The following GSE1 variants were observed in gnomAD, a reference collection of about 807,000 sequenced individuals.
GSE1 encodes genetic suppressor element 1.
GSE1 carries 32 observed loss-of-function variants against 112.6 expected under a neutral mutation model. The ratio of observed to expected loss-of-function variants is 0.28; its 90% CI spans 0.21 to 0.38. GSE1 has a LOEUF of 0.38. Ranked by LOEUF, GSE1 falls within the 10% of genes least tolerant of loss-of-function variation. The pLI, the probability that GSE1 is intolerant of heterozygous loss-of-function variation, is 1.00. For missense variants in GSE1, 2,348 were observed against 1,699.2 expected (o/e 1.38, Z -6.71); for synonymous variants, 1,115 against 735.6 (o/e 1.52, Z -8.35).
At chr16:85,239,832 G>A (rs1241992051) in intron 1 of GSE1, among the ~76,000 whole-genome samples, 1 of 152,224 alleles carries the variant, frequency 6.6e-6, no homozygotes. Context: ...CCTGAAATCC[G>A]ATACTGAAAT....
rs183656679 is a variant in GSE1 at position 85,547,866 on chromosome 16, G to A, written c.2465-86048G>A. 1.3e-3 allele frequency among the ~76,000 whole-genome samples: 174 copies of A among 135,112 alleles called. 2 individuals carry two copies. The East Asian group carries it at 0.029, about 23-fold the overall frequency. The allele number at this position is 135,112 out of a possible 152,430, so 88.6% of individuals were successfully genotyped here. A position where few individuals can be genotyped will look rare whatever the true frequency, so the allele number is the denominator to read the frequency against. On this transcript the variant is annotated intron_variant, in intron 2 of 2. Transcript: ENST00000637419. ...TGCACTCCAGCCTGGGTGACAGAAT[G>A]AGTCTCTGTCTCAAAAAAAAAAAAA...
At chr16:85,626,447 C>T (rs1184100751) in intron 1 of GSE1, among the ~76,000 whole-genome samples, 3 of 151,796 alleles carry the variant, frequency 2.0e-5, no homozygotes, top group African/African-American at 4.8e-5. Context: ...GGGCACCAGT[C>T]CCCGAGCTGG....
intron 2 of GSE1, among the ~76,000 whole-genome samples, chr16:85,362,181 A>G (rs1010802987): frequency 6.6e-6 from 1 of 152,216 alleles, no homozygotes; most frequent in African/African-American, 2.4e-5. Context: ...TGCCGGGAGA[A>G]GGGTGCAACC....
intron 1 of GSE1, among the ~76,000 whole-genome samples, chr16:85,335,501 T>G (rs1567696108): frequency 6.6e-6 from 1 of 151,922 alleles, no homozygotes; most frequent in Admixed American, 6.5e-5. Flanking sequence ...GCGGAGGCCG[T>G]GCTGGGTGGG....
chr16:85,558,185 C>T (rs1197068682), intron 1 of GSE1, among the ~76,000 whole-genome samples: 2 of 152,214 alleles, frequency 1.3e-5, no homozygotes, highest in African/African-American at 2.4e-5. Context: ...CTGAGTCGCG[C>T]TGACATTCAT....
chr16:85,474,374 C>T (rs1431421514), intron 2 of GSE1, among the ~76,000 whole-genome samples: 1 of 152,152 alleles, frequency 6.6e-6, no homozygotes, highest in Non-Finnish European at 1.5e-5. Flanking sequence ...TTGGCAGCTG[C>T]TGTTGCTGGG....
chr16:85,212,811 T>C lies in GSE1; in HGVS notation c.2283+41004T>C, dbSNP rs77476380. 7.1e-3 allele frequency among the ~76,000 whole-genome samples: 1,077 copies of C among 152,176 alleles called. 17 individuals are homozygous for C. The highest frequency in any genetic ancestry group is 0.025 in the African/African-American group (1,042 of 41,502). Reference sequence around the variant, plus strand: ...AGAGGGGGCGTCTGTGTTTTCTTAATGATACCTTATTGCTGAATGTCTAGA... The same window carrying C: ...AGAGGGGGCGTCTGTGTTTTCTTAACGATACCTTATTGCTGAATGTCTAGA... On this transcript the variant is annotated intron_variant, in intron 1 of 2. Coordinates refer to the GSE1 transcript ENST00000637419.
At chr16:85,482,573 G>A (rs989406301) in intron 2 of GSE1, among the ~76,000 whole-genome samples, 11 of 152,218 alleles carry the variant, frequency 7.2e-5, no homozygotes, top group African/African-American at 2.4e-4. Context: ...CGTGAGTGAC[G>A]TGGATGGGAC....
At chr16:85,445,445 G>A (rs981316068) in intron 2 of GSE1, among the ~76,000 whole-genome samples, 1 of 152,200 alleles carries the variant, frequency 6.6e-6, no homozygotes, top group Non-Finnish European at 1.5e-5. Flanking sequence ...AGCGAGGGGG[G>A]GCGGCCAGTC....
intron 2 of GSE1, among the ~76,000 whole-genome samples, chr16:85,391,814 A>G (rs1171613228): frequency 1.3e-5 from 2 of 152,092 alleles, no homozygotes; most frequent in African/African-American, 4.8e-5. Flanking sequence ...TCCCCCACCA[A>G]TCTCCGAGCT....
Position 85,657,547 on chromosome 16 carries a change from A to G in GSE1, c.1583A>G (p.Asp528Gly). The G allele has an allele frequency of 6.3e-7, 1 of 1,593,584 alleles. No homozygotes were observed. Among genetic ancestry groups the G allele is most frequent in the Non-Finnish European group, 8.6e-7 (1 of 1,169,268 alleles). Residue 528 changes from aspartate to glycine, a missense_variant, in exon 8 of 16, where the codon GAT (aspartate) becomes GGT (glycine). By Grantham distance (94) the Asp-to-Gly change is moderately conservative (BLOSUM62 -1). Transcript: ENST00000253458. Reference protein sequence around the residue: ...FRQQVLEQHLDMGRPPVPAEA... With the variant: ...FRQQVLEQHLGMGRPPVPAEA... ...CAGCAGGTGCTGGAGCAGCACCTGG[A>G]TATGGGCCGGCCCCCGGTGCCGGCG...
At chr16:85,336,810 A>G (rs2326526) in intron 1 of GSE1, among the ~76,000 whole-genome samples, 28,030 of 152,192 alleles carry the variant, frequency 0.18, 2,990 homozygotes, top group East Asian at 0.36. Context: ...GCTCACACAC[A>G]AGGCACTCAT....
chr16:85,525,139 TGGGCCAGGGGGTAACTGGCCCCTGGCC>T (rs778487057), intron 2 of GSE1, among the ~76,000 whole-genome samples: 52 of 152,152 alleles, frequency 3.4e-4, no homozygotes, highest in South Asian at 1.9e-3. Context: ...CTGAGGGCAG[TGGGCCAGGGGGTAACTGGCCCCTGGCC>T]GGCCCAGTGG....
At chr16:85,169,515 C>A, upstream of GSE1, 1 of 810,628 alleles carries the variant, frequency 1.2e-6, no homozygotes. Flanking sequence ...GCGGGCGGCG[C>A]GGCGCGGCCA....
Position 85,666,134 on chromosome 16 carries a change from A to G in GSE1, c.2917A>G (p.Lys973Glu), listed in dbSNP as rs1371705270. The change falls in exon 13 of 16, where the codon AAG becomes GAG. Residue 973 changes from lysine (K) to glutamate (E), a missense_variant. Coordinates refer to ENST00000253458, the MANE Select transcript of GSE1 (RefSeq NM_014615.5). ...GGAGCTAGCTCCTGCCAGCGGGGAG[A>G]AGGCCAGGCTGAGCGAGGCCCCTGG... ...VQELAPASGEKARLSEAPGGK... is the reference protein window; with the variant it reads ...VQELAPASGEEARLSEAPGGK... 5.0e-6 allele frequency: 8 copies of G among 1,613,180 alleles called. No homozygotes were observed. The South Asian group carries it at 8.8e-5, about 18-fold the overall frequency.
At position 85,668,231 on chromosome 16, in the gene GSE1, C is replaced by T. The variant is rs1341401031; in HGVS notation, c.3222C>T (p.Ala1074=). 2 of 1,609,886 alleles carry T rather than the reference C, an allele frequency of 1.2e-6. No individual in the cohort carries two copies. The highest frequency in any genetic ancestry group is 8.5e-7 in the Non-Finnish European group (1 of 1,176,188). Residue 1074 remains alanine (A), a synonymous_variant, in exon 14 of 16, where the codon GCC becomes GCT. Coordinates refer to ENST00000253458, the MANE Select transcript of GSE1 (RefSeq NM_014615.5). ...NIPELQSSSR[A]PPPQHNGQQE... ...CTGAGCTGCAGTCCTCCAGCCGCGC[C>T]CCTCCACCCCAGCACAATGGGCAGC...
At chr16:85,224,415 TG>T (rs1392630873) in intron 1 of GSE1, among the ~76,000 whole-genome samples, 1 of 151,690 alleles carries the variant, frequency 6.6e-6, no homozygotes, top group Non-Finnish European at 1.5e-5. Context: ...AACTAATATT[TG>T]GGCTTAGCTC....
chr16:85,313,267 C>T (rs572623051), intron 1 of GSE1, among the ~76,000 whole-genome samples: 1 of 152,140 alleles, frequency 6.6e-6, no homozygotes. Flanking sequence ...TGAGACCTGC[C>T]CTGCTTCTCC....
At chr16:85,187,782 G>A (rs1301962158) in intron 1 of GSE1, among the ~76,000 whole-genome samples, 2 of 152,232 alleles carry the variant, frequency 1.3e-5, no homozygotes, top group Non-Finnish European at 2.9e-5. Context: ...GGGACATGGA[G>A]CACGTGAAGC....
Sources: allele counts gnomAD v4.1 joint callset (sites outside exome capture counted in the v4.1 genomes callset), GRCh38; gene constraint gnomAD v4.1.1; transcripts MANE v1.5; gene names NCBI Gene and HGNC (gene_info 2026-07-23, HGNC 2026-07-21).